GPR158: variants seen among roughly 807,000 people sequenced by gnomAD.
GPR158 encodes G protein-coupled receptor 158.
In GPR158, 30 loss-of-function variants were observed where a neutral mutation model predicts 78.2. The observed-to-expected ratio is 0.38, with a 90% CI of 0.29 to 0.52. The LOEUF is 0.52. GPR158 is among the 20% of genes least tolerant of loss of function. The pLI, the probability that GPR158 is intolerant of heterozygous loss-of-function variation, is 0.83. For synonymous variants in GPR158, 581 were observed against 591.1 expected, an observed-to-expected ratio of 0.98 and a Z score of 0.25; for missense variants, 1,463 against 1,523.5, an observed-to-expected ratio of 0.96 and a Z score of 0.66.
chr10:25,482,031 A>G (rs555376754), intron 5 of GPR158, among the ~76,000 whole-genome samples: 5 of 152,020 alleles, frequency 3.3e-5, no homozygotes, highest in African/African-American at 1.2e-4. Flanking sequence ...TTCCTGCTTG[A>G]CCATACCTTA....
At chr10:25,506,820 C>T (rs562418189) in intron 5 of GPR158, among the ~76,000 whole-genome samples, 6 of 152,296 alleles carry the variant, frequency 3.9e-5, no homozygotes, top group African/African-American at 1.4e-4. Context: ...TTATTTCTTG[C>T]AACTTAGCTT....
chr10:25,369,562 C>G lies in GPR158; in HGVS notation c.1009-26349C>G, dbSNP rs1161536274. ...AAGCTTTTTGATGTGCTGCTGGATT[C>G]GGTTTGCCAGTATTTTATTGAGGAT... On this transcript the variant is annotated intron_variant, in intron 2 of 10. Transcript: ENST00000376351. Among the ~76,000 whole-genome samples, 2 of 149,194 alleles carry G rather than the reference C, an allele frequency of 1.3e-5. 1 individual carries two copies. Among genetic ancestry groups the G allele is most frequent in the South Asian group, 4.3e-4 (2 of 4,634 alleles).
At chr10:25,349,291 G>A (rs58857830) in intron 2 of GPR158, among the ~76,000 whole-genome samples, 10,009 of 151,816 alleles carry the variant, frequency 0.066, 864 homozygotes, top group African/African-American at 0.2. Flanking sequence ...TTCCCTTCAT[G>A]AGGACACCTG....
At chr10:25,325,486 C>T (rs181784798) in intron 2 of GPR158, among the ~76,000 whole-genome samples, 2,329 of 152,096 alleles carry the variant, frequency 0.015, 69 homozygotes, top group African/African-American at 0.053. Context: ...CACACACACA[C>T]ACACACTACG....
At chr10:25,311,943 T>G (rs1854771174) in intron 2 of GPR158, among the ~76,000 whole-genome samples, 1 of 152,062 alleles carries the variant, frequency 6.6e-6, no homozygotes, top group Non-Finnish European at 1.5e-5. Context: ...ATAAATGTTT[T>G]TGACATCTGG....
At chr10:25,579,822 G>A (rs1451512849) in intron 7 of GPR158, among the ~76,000 whole-genome samples, 2 of 148,512 alleles carry the variant, frequency 1.3e-5, no homozygotes, top group Non-Finnish European at 3.0e-5. Context: ...CTATTTTACT[G>A]CCCTCCTGGC....
At chr10:25,356,053 T>C (rs1855545326) in intron 2 of GPR158, among the ~76,000 whole-genome samples, 4 of 152,088 alleles carry the variant, frequency 2.6e-5, no homozygotes, top group Non-Finnish European at 5.9e-5. Context: ...ACAGGTCTCC[T>C]GCTAAGGAAC....
intron 5 of GPR158, among the ~76,000 whole-genome samples, chr10:25,513,126 G>T (rs372692854): frequency 6.6e-6 from 1 of 150,924 alleles, no homozygotes; most frequent in East Asian, 1.9e-4. Context: ...ATTCTTCTTT[G>T]AATGTCTGAT....
Position 25,288,272 on chromosome 10 carries a change from T to A in GPR158, c.1008+67115T>A, listed in dbSNP as rs530464903. On this transcript the variant is annotated intron_variant, in intron 2 of 10. Transcript: ENST00000376351. ...AGTGTTTTTAATCAGCTTTATCACT[T>A]CCCAAATAAAAGTATAAAAGGGTGA... Among the ~76,000 whole-genome samples the A allele has an allele frequency of 1.7e-4, 26 of 152,250 alleles. No individual in the cohort carries two copies. The South Asian group carries it at 4.6e-3, about 27-fold the overall frequency.
At chr10:25,443,871 C>T (rs909133605) in intron 4 of GPR158, among the ~76,000 whole-genome samples, 1 of 152,082 alleles carries the variant, frequency 6.6e-6, no homozygotes, top group Non-Finnish European at 1.5e-5. Flanking sequence ...TCCTCCATCG[C>T]TCTCAATGAA....
chr10:25,334,230 C>T (rs1311120912), intron 2 of GPR158, among the ~76,000 whole-genome samples: 2 of 151,904 alleles, frequency 1.3e-5, no homozygotes, highest in Non-Finnish European at 2.9e-5. Context: ...TACGTAATAA[C>T]AATAAAACCC....
At chr10:25,185,020 C>T (rs1224994999) in intron 1 of GPR158, among the ~76,000 whole-genome samples, 25 of 152,214 alleles carry the variant, frequency 1.6e-4, no homozygotes, top group Admixed American at 1.6e-3. Flanking sequence ...TCAGCAGCAC[C>T]TCTGGCTTCT....
At chr10:25,390,299 T>G (rs1260129623) in intron 2 of GPR158, among the ~76,000 whole-genome samples, 1 of 152,190 alleles carries the variant, frequency 6.6e-6, no homozygotes, top group African/African-American at 2.4e-5. Context: ...TGGAACAGTT[T>G]GGAGGGCTTA....
chr10:25,183,676 A>C (rs1019182763), intron 1 of GPR158, among the ~76,000 whole-genome samples: 1 of 152,196 alleles, frequency 6.6e-6, no homozygotes, highest in South Asian at 2.1e-4. Context: ...ACAATGTAGG[A>C]TTTTTAAAAA....
intron 5 of GPR158, among the ~76,000 whole-genome samples, chr10:25,471,088 C>T (rs1470439773): frequency 1.3e-5 from 2 of 151,778 alleles, no homozygotes; most frequent in African/African-American, 4.8e-5. Context: ...AGGTATATCT[C>T]CTAATGCTAT....
At chr10:25,407,925 CCCTAACCCTAAT>C (rs1213345558) in intron 3 of GPR158, among the ~76,000 whole-genome samples, 1 of 152,142 alleles carries the variant, frequency 6.6e-6, no homozygotes, top group Non-Finnish European at 1.5e-5. Context: ...AAAACCCTAA[CCCTAACCCTAAT>C]CCTGCAAAAA....
chr10:25,367,133 C>T (rs1855735856), intron 2 of GPR158, among the ~76,000 whole-genome samples: 1 of 151,400 alleles, frequency 6.6e-6, no homozygotes, highest in African/African-American at 2.4e-5. Flanking sequence ...CTTTCTACTC[C>T]ATATTTCATC....
In GPR158 at chr10:25,577,459, G is replaced by A. The variant is rs138051215; in HGVS notation, c.1753+4572G>A. Reference sequence around the variant, plus strand: ...AAAAGAAAAAGTGATGGTTAAATATGTTAGTACATTTGCATTCTGGGATCA... The same window carrying A: ...AAAAGAAAAAGTGATGGTTAAATATATTAGTACATTTGCATTCTGGGATCA... On this transcript the variant is annotated intron_variant, in intron 7 of 10. Coordinates refer to ENST00000376351, the MANE Select transcript of GPR158 (RefSeq NM_020752.3). Among the ~76,000 whole-genome samples, 450 of 152,288 alleles carry A rather than the reference G, an allele frequency of 3.0e-3. 1 individual carries two copies. The highest frequency in any genetic ancestry group is 0.01 in the African/African-American group (420 of 41,558).
chr10:25,314,905 TAC>T (rs34451547), intron 2 of GPR158, among the ~76,000 whole-genome samples: 81,893 of 136,754 alleles, frequency 0.6, 26,090 homozygotes, highest in Non-Finnish European at 0.74. Context: ...AGTTTACACA[TAC>T]ACACACACAC....
Sources: allele counts gnomAD v4.1 joint callset (sites outside exome capture counted in the v4.1 genomes callset), GRCh38; gene constraint gnomAD v4.1.1; transcripts MANE v1.5; gene names NCBI Gene and HGNC (gene_info 2026-07-23, HGNC 2026-07-21).